TPTE2: variants seen among roughly 807,000 people sequenced by gnomAD.
TPTE2 encodes the protein phosphatidylinositol 3,4,5-trisphosphate 3-phosphatase TPTE2.
A neutral mutation model predicts 78.6 loss-of-function variants in TPTE2; 53 were observed. The observed-to-expected ratio is 0.67, with a 90% CI of 0.54 to 0.85. TPTE2 has a LOEUF of 0.85. Among genes scored for constraint, TPTE2 ranks in the 40% least tolerant of loss-of-function variants. The probability of loss-of-function intolerance (pLI) is 0.00; values close to 1 mark genes in which losing one functional copy is unlikely to be tolerated. For synonymous variants in TPTE2, 175 were observed against 206.2 expected (o/e 0.85, Z 1.30); for missense variants, 461 against 623.0 (o/e 0.74, Z 2.77).
At chr13:19,472,585 T>C (rs992233922) in intron 6 of TPTE2, among the ~76,000 whole-genome samples, 2 of 152,226 alleles carry the variant, frequency 1.3e-5, no homozygotes, top group Non-Finnish European at 2.9e-5. Flanking sequence ...TTGAATTTCT[T>C]TGAGTTCCCT....
At chr13:19,521,450 A>T (rs1257701713) in intron 1 of TPTE2, among the ~76,000 whole-genome samples, 2 of 151,388 alleles carry the variant, frequency 1.3e-5, no homozygotes, top group Admixed American at 6.6e-5. Context: ...TATACTTTTA[A>T]TCTATTTGCA....
chr13:19,445,149 G>A (rs907785729), intron 13 of TPTE2, among the ~76,000 whole-genome samples: 2 of 152,142 alleles, frequency 1.3e-5, no homozygotes, highest in Non-Finnish European at 2.9e-5. Context: ...ATACTCCTGA[G>A]AGACAGAAAA....
chr13:19,491,679 G>A (rs1304698385), intron 3 of TPTE2, among the ~76,000 whole-genome samples: 1 of 151,946 alleles, frequency 6.6e-6, no homozygotes, highest in East Asian at 1.9e-4. Flanking sequence ...CAAAAAATTA[G>A]ACGGGCATGG....
chr13:19,540,445 C>A (rs1039306003), upstream of TPTE2, among the ~76,000 whole-genome samples: 1 of 151,914 alleles, frequency 6.6e-6, no homozygotes, highest in Non-Finnish European at 1.5e-5. Context: ...GCTGTGACTA[C>A]AGGCGTGTGC....
chr13:19,487,514 AG>A (rs1364134413), intron 3 of TPTE2, among the ~76,000 whole-genome samples: 1 of 152,004 alleles, frequency 6.6e-6, no homozygotes, highest in Admixed American at 6.5e-5. Context: ...GAGGGCTTGC[AG>A]TGGTTTGGCT....
At chr13:19,462,712 T>G (rs1244919011) in intron 10 of TPTE2, among the ~76,000 whole-genome samples, 2 of 151,902 alleles carry the variant, frequency 1.3e-5, no homozygotes, top group Non-Finnish European at 2.9e-5. Context: ...CTAGCTAATT[T>G]TTTTCTATTG....
At chr13:19,489,834 C>T (rs1880900339) in intron 3 of TPTE2, among the ~76,000 whole-genome samples, 1 of 151,728 alleles carries the variant, frequency 6.6e-6, no homozygotes, top group South Asian at 2.1e-4. Flanking sequence ...GTGACACCAC[C>T]ACTGAAAGGT....
At chr13:19,436,197 A>C (rs1877069934) in intron 15 of TPTE2, 29 bp downstream of exon 18, 1 of 1,584,782 alleles carries the variant, frequency 6.3e-7, no homozygotes, top group South Asian at 1.1e-5. Context: ...TCCCCTAAAA[A>C]AACTCCCATT....
intron 6 of TPTE2, among the ~76,000 whole-genome samples, chr13:19,471,967 C>T (rs541047831): frequency 5.3e-4 from 80 of 152,070 alleles, no homozygotes; most frequent in African/African-American, 1.9e-3. Context: ...TGTTTTTTTC[C>T]TTCAGCACTT....
the TPTE2 span, among the ~76,000 whole-genome samples, chr13:19,555,285 G>C: frequency 1.3e-5 from 2 of 152,120 alleles, no homozygotes; most frequent in African/African-American, 4.8e-5. Context: ...AGGATAACCA[G>C]TAGGGCCTAT....
intron 3 of TPTE2, among the ~76,000 whole-genome samples, chr13:19,484,126 C>T (rs902706465): frequency 2.6e-5 from 4 of 152,160 alleles, no homozygotes; most frequent in African/African-American, 9.7e-5. Flanking sequence ...TCAATAACTG[C>T]TTTTGCTGTG....
At chr13:19,523,965 A>G (rs1593418788) in intron 1 of TPTE2, among the ~76,000 whole-genome samples, 1 of 152,198 alleles carries the variant, frequency 6.6e-6, no homozygotes, top group Non-Finnish European at 1.5e-5. Flanking sequence ...CTGCGGTAGC[A>G]AATAGGAATC....
At chr13:19,530,207 G>A (rs553556244) in intron 1 of TPTE2, among the ~76,000 whole-genome samples, 1 of 152,250 alleles carries the variant, frequency 6.6e-6, no homozygotes, top group Non-Finnish European at 1.5e-5. Flanking sequence ...TTTCAGAAAG[G>A]TATTAAATTC....
the TPTE2 span, among the ~76,000 whole-genome samples, chr13:19,547,714 A>AATATATATATATATATAT: frequency 9.2e-6 from 1 of 108,542 alleles, no homozygotes; most frequent in South Asian, 2.9e-4. Flanking sequence ...CTAAGTAATA[A>AATATATATATATATATAT]ATATACATAT....
intron 1 of TPTE2, among the ~76,000 whole-genome samples, chr13:19,530,125 T>C (rs904258863): frequency 3.9e-5 from 6 of 152,252 alleles, no homozygotes; most frequent in Non-Finnish European, 7.3e-5. Flanking sequence ...CCTTGGGATA[T>C]ACTGAGGAAA....
At chr13:19,493,469 T>A (rs772564885) in exon 2 of TPTE2, 1 of 1,613,850 alleles carries the variant, frequency 6.2e-7, no homozygotes. Context: ...AGGTGCCTCC[T>A]CGGTTGTTCC....
intron 1 of TPTE2, among the ~76,000 whole-genome samples, chr13:19,521,505 C>A (rs566508501): frequency 1.3e-5 from 2 of 152,108 alleles, no homozygotes; most frequent in South Asian, 4.2e-4. Context: ...AGAGTAGGAT[C>A]ATGTCCTTTA....
At position 19,503,126 on chromosome 13, in the gene TPTE2, T is replaced by C. The variant is rs544394681; in HGVS notation, c.11+98A>G. On this transcript the variant is annotated intron_variant, in intron 1 of 19. Transcript: ENST00000400230. Reference sequence around the variant, plus strand: ...AAGTGTGTATGGATGGATGCATGGATGCATGGATGGATATATTTGTTTATG... The same window carrying C: ...AAGTGTGTATGGATGGATGCATGGACGCATGGATGGATATATTTGTTTATG... The C allele has an allele frequency of 3.4e-5, 52 of 1,545,988 alleles. No homozygotes were observed. The African/African-American group carries it at 5.4e-4, about 16-fold the overall frequency.
intron 3 of TPTE2, among the ~76,000 whole-genome samples, chr13:19,488,881 T>A (rs940628322): frequency 6.6e-6 from 1 of 152,228 alleles, no homozygotes; most frequent in African/African-American, 2.4e-5. Context: ...ACAACTTGGC[T>A]GAACTGCTAC....
Sources: gnomAD v4.1 joint callset for allele counts (sites outside exome capture counted in the v4.1 genomes callset) on GRCh38, gnomAD v4.1.1 for gene constraint, MANE v1.5 for transcripts, NCBI Gene and HGNC (gene_info 2026-07-23, HGNC 2026-07-21) for gene names.